The following CDK6 variants were observed in gnomAD, a reference collection of about 807,000 sequenced individuals.
CDK6 encodes cyclin dependent kinase 6.
Under a neutral mutation model 37.1 loss-of-function variants are expected in CDK6, and 6 were observed. The observed-to-expected ratio is 0.16, with a 90% CI of 0.09 to 0.32. The LOEUF is 0.32. Ranked by LOEUF, CDK6 falls within the 10% of genes least tolerant of loss-of-function variation. The pLI is 1.00. For missense variants in CDK6, 224 were observed against 418.9 expected (o/e 0.53, Z 4.06); for synonymous variants, 160 against 161.3 (o/e 0.99, Z 0.06).
rs183111699 is a variant in CDK6 at position 92,750,363 on chromosome 7, T to G, written c.369+24333A>C. Among the ~76,000 whole-genome samples the G allele has an allele frequency of 1.2e-3, 180 of 152,296 alleles. 1 individual carries two copies. Among genetic ancestry groups the G allele is most frequent in the African/African-American group, 3.9e-3 (160 of 41,556 alleles). The stretch of plus-strand genomic sequence containing the variant: ...AACTCTAAAAATGTTATAATTTCAC[T>G]GATTTGTGTATAAGTGATACCTTCA... On this transcript the variant is annotated intron_variant, in intron 3 of 7. Coordinates refer to ENST00000424848, the MANE Select transcript of CDK6 (RefSeq NM_001145306.2).
At position 92,639,957 on chromosome 7, in the gene CDK6, G is replaced by A. The variant is rs1222710790; in HGVS notation, c.648-16871C>T. ...ATTCAAATTATGGTATAATTTTTCT[G>A]ATTGCTCATCTTTTGAATCCAAGGG... On this transcript the variant is annotated intron_variant, in intron 5 of 7. Transcript: ENST00000424848. Among the ~76,000 whole-genome samples, 3 of 152,156 alleles carry A rather than the reference G, an allele frequency of 2.0e-5. No homozygotes were observed. In the East Asian group the frequency reaches 5.8e-4, roughly 29 times the overall value.
intron 4 of CDK6, among the ~76,000 whole-genome samples, chr7:92,695,066 T>A (rs1164177870): frequency 6.6e-6 from 1 of 152,052 alleles, no homozygotes; most frequent in East Asian, 1.9e-4. Context: ...TTCTGTTTCA[T>A]GCAAATGATC....
At chr7:92,772,811 T>A (rs1421153261) in intron 3 of CDK6, among the ~76,000 whole-genome samples, 1 of 152,172 alleles carries the variant, frequency 6.6e-6, no homozygotes, top group African/African-American at 2.4e-5. Flanking sequence ...ATCAACATTT[T>A]AACTGCACAG....
rs369031152 is a variant in CDK6, at chr7:92,617,251, G to T, written c.834+821C>A. 2.0e-5 allele frequency among the ~76,000 whole-genome samples: 3 copies of T among 152,068 alleles called. No homozygotes were observed. In the South Asian group the frequency reaches 6.2e-4, roughly 32 times the overall value. Reference sequence around the variant, plus strand: ...CTTCTTCCAAGTATGGACCTTCAGGGGCATTGCATATTTCTGCTTGCCCTT... The same window carrying T: ...CTTCTTCCAAGTATGGACCTTCAGGTGCATTGCATATTTCTGCTTGCCCTT... On this transcript the variant is annotated intron_variant, in intron 7 of 7. Transcript: ENST00000424848.
intron 2 of CDK6, among the ~76,000 whole-genome samples, chr7:92,779,765 T>G (rs1357134775): frequency 6.6e-6 from 1 of 152,204 alleles, no homozygotes; most frequent in East Asian, 1.9e-4. Flanking sequence ...TGATTAATGG[T>G]TAGTAAACAT....
At chr7:92,817,594 C>T (rs1298877854) in intron 2 of CDK6, among the ~76,000 whole-genome samples, 3 of 151,644 alleles carry the variant, frequency 2.0e-5, no homozygotes, top group Non-Finnish European at 4.4e-5. Flanking sequence ...GGGAACAAGC[C>T]AAAAACATCT....
intron 2 of CDK6, among the ~76,000 whole-genome samples, chr7:92,826,742 A>G (rs1052108511): frequency 1.3e-5 from 2 of 152,194 alleles, no homozygotes; most frequent in Middle Eastern, 3.2e-3. Context: ...TATGCCTTAC[A>G]GTTAATACCC....
chr7:92,634,218 G>A (rs1302553882), intron 5 of CDK6, among the ~76,000 whole-genome samples: 1 of 152,082 alleles, frequency 6.6e-6, no homozygotes, highest in African/African-American at 2.4e-5. Context: ...GTGAGGAATA[G>A]TGAGAATCTA....
chr7:92,833,067 C>A lies in CDK6; in HGVS notation c.233+24G>T. The A allele has an allele frequency of 1.3e-6, 2 of 1,504,508 alleles. No individual in the cohort carries two copies. Among genetic ancestry groups the A allele is most frequent in the East Asian group, 2.5e-5 (1 of 40,576 alleles). 93.2% of individuals were successfully genotyped at this position (1,504,508 alleles called of 1,614,324 possible). On this transcript the variant is annotated intron_variant, in intron 2 of 7. Transcript: ENST00000424848. This position sits in a 1 kb window ranked among gnomAD's most constrained non-coding sequence, Gnocchi z 6.1. ...CCCGCGCGCGCGAGGCCCCAGATGG[C>A]GAGGGCGCAGCTCCCTGGCTCACCT...
intron 5 of CDK6, among the ~76,000 whole-genome samples, chr7:92,663,558 G>T (rs1796884341): frequency 6.6e-6 from 1 of 151,926 alleles, no homozygotes; most frequent in South Asian, 2.1e-4. Context: ...AAAATTAGCT[G>T]GGCGTGGCGG....
chr7:92,836,203 T>A (rs983264580), intron 1 of CDK6, among the ~76,000 whole-genome samples: 3 of 151,962 alleles, frequency 2.0e-5, no homozygotes, highest in Admixed American at 6.6e-5. Flanking sequence ...GGAAGCAGGA[T>A]CTCGGTGTCG....
chr7:92,678,847 G>T (rs1797267782), intron 4 of CDK6, among the ~76,000 whole-genome samples: 1 of 152,220 alleles, frequency 6.6e-6, no homozygotes, highest in Non-Finnish European at 1.5e-5. Context: ...AATTCAGAGA[G>T]AAGGAGAAGC....
At chr7:92,667,067 G>A (rs994044453) in intron 5 of CDK6, among the ~76,000 whole-genome samples, 1 of 148,926 alleles carries the variant, frequency 6.7e-6, no homozygotes, top group Non-Finnish European at 1.5e-5. Context: ...TTCTGTGTAG[G>A]TCTGGGCTAA....
intron 2 of CDK6, among the ~76,000 whole-genome samples, chr7:92,792,397 A>G (rs1438493763): frequency 6.6e-6 from 1 of 152,196 alleles, no homozygotes; most frequent in Non-Finnish European, 1.5e-5. Context: ...GTAATTTATT[A>G]GACCATTTCC....
At chr7:92,659,428 A>G (rs1057377597) in intron 5 of CDK6, among the ~76,000 whole-genome samples, 1 of 152,238 alleles carries the variant, frequency 6.6e-6, no homozygotes, top group Non-Finnish European at 1.5e-5. Context: ...ATATATTATT[A>G]AAAGTAATTC....
At chr7:92,720,723 G>A (rs1361536807) in intron 4 of CDK6, among the ~76,000 whole-genome samples, 1 of 152,116 alleles carries the variant, frequency 6.6e-6, no homozygotes, top group East Asian at 1.9e-4. Flanking sequence ...GACTGAAATT[G>A]CTGGCTGAGT....
rs190866561 is a variant in CDK6, at chr7:92,702,757, G to A, written c.537+22869C>T. Among the ~76,000 whole-genome samples the A allele has an allele frequency of 3.3e-5, 5 of 152,270 alleles. No individual in the cohort carries two copies. The East Asian group carries it at 5.8e-4, about 18-fold the overall frequency. On this transcript the variant is annotated intron_variant, in intron 4 of 7. Coordinates refer to ENST00000424848, the MANE Select transcript of CDK6 (RefSeq NM_001145306.2). ...TTGTGAAATGACCTCTGAATCCCAG[G>A]TAAGTCAGCACAGTGCTGGTGGAAG...
chr7:92,704,070 T>A (rs990633256), intron 4 of CDK6, among the ~76,000 whole-genome samples: 1 of 152,126 alleles, frequency 6.6e-6, no homozygotes, highest in African/African-American at 2.4e-5. Flanking sequence ...TCCTGAATCT[T>A]AGGATGCTCT....
At chr7:92,744,687 CTA>C (rs1269141658) in intron 3 of CDK6, among the ~76,000 whole-genome samples, 1 of 152,114 alleles carries the variant, frequency 6.6e-6, no homozygotes, top group African/African-American at 2.4e-5. Context: ...AAAAGTAAAA[CTA>C]TTATATGAAT....
Sources: gnomAD v4.1 joint callset for allele counts (sites outside exome capture counted in the v4.1 genomes callset) on GRCh38, gnomAD v4.1.1 for gene constraint, Gnocchi (gnomAD v3.1) non-coding constraint, MANE v1.5 for transcripts, NCBI Gene and HGNC (gene_info 2026-07-23, HGNC 2026-07-21) for gene names.